The following SLC8A3 variants were observed in gnomAD, a reference collection of about 807,000 sequenced individuals.
The protein encoded by SLC8A3 is sodium/calcium exchanger 3.
SLC8A3 carries 37 observed loss-of-function variants against 65.4 expected under a neutral mutation model. The observed-to-expected ratio is 0.57, with a 90% CI of 0.44 to 0.74. The LOEUF is 0.74. Among genes scored for constraint, SLC8A3 ranks in the 30% least tolerant of loss-of-function variants. SLC8A3 has a pLI of 0.00. For synonymous variants in SLC8A3, 461 were observed against 444.5 expected (o/e 1.04, Z -0.47); for missense variants, 1,112 against 1,172.1 (o/e 0.95, Z 0.75).
At chr14:70,070,425 G>A (rs575576657) in intron 2 of SLC8A3, among the ~76,000 whole-genome samples, 1 of 152,310 alleles carries the variant, frequency 6.6e-6, no homozygotes, top group East Asian at 1.9e-4. Flanking sequence ...GAAAAGTTAA[G>A]AGACTTGCCT....
rs771786365 is a variant in SLC8A3 at position 70,046,306 on chromosome 14, C to T, written c.2407G>A (p.Ala803Thr). 2.5e-6 allele frequency: 4 copies of T among 1,607,010 alleles called. No homozygotes were observed. Among genetic ancestry groups the T allele is most frequent in the Admixed American group, 1.7e-5 (1 of 59,464 alleles). Residue 803 changes from alanine to threonine, a missense_variant, in exon 7 of 7, where the codon GCT (alanine) becomes ACT (threonine). Ala to Thr is a moderately conservative substitution (Grantham distance 58). Coordinates refer to ENST00000356921, the MANE Select transcript of SLC8A3 (RefSeq NM_182932.3). This position sits in a 1 kb window ranked among gnomAD's most constrained non-coding sequence, Gnocchi z 4.2. ...TSVPDTFASKAAALQDVYADA... is the reference protein window; with the variant it reads ...TSVPDTFASKTAALQDVYADA... Reference sequence around the variant, plus strand: ...GCATATACATCCTGGAGGGCAGCAGCTTTGCTGGCAAACGTATCTGGAAAA... The same window carrying T: ...GCATATACATCCTGGAGGGCAGCAGTTTTGCTGGCAAACGTATCTGGAAAA...
At chr14:70,144,334 A>ATTTT (rs1174670294) in intron 2 of SLC8A3, among the ~76,000 whole-genome samples, 316 of 129,444 alleles carry the variant, frequency 2.4e-3, no homozygotes, top group Middle Eastern at 4.3e-3. Context: ...TTTTTTTTAA[A>ATTTT]AAAAAAAAAA....
intron 2 of SLC8A3, among the ~76,000 whole-genome samples, chr14:70,094,144 A>G (rs1394277743): frequency 6.6e-6 from 1 of 152,316 alleles, no homozygotes; most frequent in East Asian, 1.9e-4. Context: ...ACTGGAAAGG[A>G]CATCTCTGAC....
intron 1 of SLC8A3, among the ~76,000 whole-genome samples, chr14:70,182,060 T>G (rs1330844188): frequency 6.6e-6 from 1 of 152,140 alleles, no homozygotes; most frequent in Non-Finnish European, 1.5e-5. Flanking sequence ...GTGTTTGGGA[T>G]GAAGAAGAGG....
intron 2 of SLC8A3, among the ~76,000 whole-genome samples, chr14:70,143,819 A>G (rs1388234461): frequency 6.6e-6 from 1 of 152,004 alleles, no homozygotes; most frequent in Non-Finnish European, 1.5e-5. Flanking sequence ...CAGCAGCTCT[A>G]TTCCCCTCTA....
At chr14:70,169,586 G>A (rs761319256) in intron 1 of SLC8A3, among the ~76,000 whole-genome samples, 1 of 149,490 alleles carries the variant, frequency 6.7e-6, no homozygotes, top group Non-Finnish European at 1.5e-5. Context: ...AGAAGAATGG[G>A]ATGAAATGCA....
chr14:70,091,432 C>A (rs977600798), intron 2 of SLC8A3, among the ~76,000 whole-genome samples: 4 of 152,132 alleles, frequency 2.6e-5, no homozygotes, highest in African/African-American at 9.7e-5. Flanking sequence ...TCCTACAAAC[C>A]CTGGCTCTTC....
At chr14:70,064,808 A>G (rs1889230267) in intron 2 of SLC8A3, among the ~76,000 whole-genome samples, 1 of 152,240 alleles carries the variant, frequency 6.6e-6, no homozygotes, top group African/African-American at 2.4e-5. Context: ...ATTTAAAAAT[A>G]CATGCCAATT....
At chr14:70,074,772 A>T (rs952821630) in intron 2 of SLC8A3, among the ~76,000 whole-genome samples, 2 of 152,272 alleles carry the variant, frequency 1.3e-5, no homozygotes, top group Admixed American at 6.5e-5. Flanking sequence ...AATGATTTTT[A>T]AAAGTTGCAA....
At chr14:70,152,502 AAC>A (rs1478626053) in intron 2 of SLC8A3, among the ~76,000 whole-genome samples, 1 of 27,468 alleles carries the variant, frequency 3.6e-5, no homozygotes, top group South Asian at 3.0e-3. Context: ...CAACAACAAC[AAC>A]AAAACAACAA....
chr14:70,117,906 C>T (rs1195597413), intron 2 of SLC8A3, among the ~76,000 whole-genome samples: 2 of 152,178 alleles, frequency 1.3e-5, no homozygotes, highest in East Asian at 3.8e-4. Context: ...CTTACTCTGC[C>T]CCTCCCATTC....
intron 2 of SLC8A3, among the ~76,000 whole-genome samples, chr14:70,067,121 A>G (rs1185510896): frequency 6.6e-6 from 1 of 152,110 alleles, no homozygotes; most frequent in Admixed American, 6.5e-5. Flanking sequence ...TGGTCTTCCC[A>G]GTCCTCAAAT....
chr14:70,044,608 G>A lies in SLC8A3; in HGVS notation c.*1339C>T, dbSNP rs1886551167. The A allele has an allele frequency of 2.6e-5, 4 of 152,198 alleles. No homozygotes were observed. The highest frequency in any genetic ancestry group is 9.6e-5 in the African/African-American group (4 of 41,518). 9.4% of individuals were successfully genotyped at this position (152,198 alleles called of 1,614,324 possible). On this transcript the variant is annotated 3_prime_UTR_variant, in exon 7 of 7. Coordinates refer to ENST00000356921, the MANE Select transcript of SLC8A3 (RefSeq NM_182932.3). The stretch of plus-strand genomic sequence containing the variant: ...ACTAAGATTCCTCTTACTGGAGCAA[G>A]AACTACCCCATAGGCTGGAAAAATA...
intron 3 of SLC8A3, among the ~76,000 whole-genome samples, chr14:70,054,746 A>C (rs1043620175): frequency 1.3e-5 from 2 of 152,086 alleles, no homozygotes; most frequent in Non-Finnish European, 2.9e-5. Flanking sequence ...TGTAGGAGTT[A>C]CCTACATTTT....
At chr14:70,128,986 G>A (rs12437377) in intron 2 of SLC8A3, among the ~76,000 whole-genome samples, 37,762 of 152,188 alleles carry the variant, frequency 0.25, 5,500 homozygotes, top group East Asian at 0.39. Flanking sequence ...AGGTAGCCAC[G>A]TGTGAGAAGG....
At chr14:70,174,679 T>TTG (rs1566833657) in intron 1 of SLC8A3, among the ~76,000 whole-genome samples, 23 of 114,198 alleles carry the variant, frequency 2.0e-4, no homozygotes, top group Non-Finnish European at 4.0e-4. Context: ...TTTTTTTTTT[T>TTG]TTTTTTTTTT....
At chr14:70,104,388 T>C (rs200575904) in intron 2 of SLC8A3, among the ~76,000 whole-genome samples, 206 of 152,260 alleles carry the variant, frequency 1.4e-3, no homozygotes, top group Non-Finnish European at 2.5e-3. Flanking sequence ...GATTGTGGGA[T>C]TGGCCATTTC....
intron 2 of SLC8A3, among the ~76,000 whole-genome samples, chr14:70,132,881 G>T (rs1398808292): frequency 6.6e-6 from 1 of 152,070 alleles, no homozygotes; most frequent in East Asian, 1.9e-4. Context: ...CTTCAAATCT[G>T]TTTTTGGGGG....
intron 2 of SLC8A3, among the ~76,000 whole-genome samples, chr14:70,121,693 A>G (rs1472852219): frequency 2.0e-4 from 30 of 152,190 alleles, no homozygotes; most frequent in Admixed American, 2.0e-3. Context: ...AAGGAAAACA[A>G]AAAGCCCCTT....
Sources: gnomAD v4.1 joint callset for allele counts (sites outside exome capture counted in the v4.1 genomes callset) on GRCh38, gnomAD v4.1.1 for gene constraint, Gnocchi (gnomAD v3.1) non-coding constraint, MANE v1.5 for transcripts, NCBI Gene and HGNC (gene_info 2026-07-23, HGNC 2026-07-21) for gene names.